Variants in MGAM2 observed in about 807,000 individuals in gnomAD.
MGAM2 encodes the protein probable maltase-glucoamylase 2.
Under a neutral mutation model 96.1 loss-of-function variants are expected in MGAM2, and 98 were observed. That is an observed-to-expected ratio of 1.02 (90% CI 0.87 to 1.21). MGAM2 has a LOEUF of 1.21. MGAM2 is among the 50% of genes most tolerant of loss of function. MGAM2 has a pLI of 0.00. For missense variants in MGAM2, 2,055 were observed against 1,182.4 expected (o/e 1.74, Z -10.82); for synonymous variants, 749 against 414.8 (o/e 1.81, Z -9.79).
intron 46 of MGAM2, among the ~76,000 whole-genome samples, chr7:142,209,311 A>G (rs1797506447): frequency 6.6e-6 from 1 of 152,238 alleles, no homozygotes; most frequent in African/African-American, 2.4e-5. Flanking sequence ...TTACCAAAGC[A>G]AAATCACATG....
At chr7:142,203,100 C>T (rs115339718) in intron 45 of MGAM2, among the ~76,000 whole-genome samples, 1,658 of 152,226 alleles carry the variant, frequency 0.011, 30 homozygotes, top group African/African-American at 0.037. Context: ...AGTGTCTGTT[C>T]ATGTCCTTTG....
At chr7:142,171,123 T>C (rs1302531767) in intron 27 of MGAM2, 149 bp from the exon 28 acceptor site, 1 of 682,844 alleles carries the variant, frequency 1.5e-6, no homozygotes, top group South Asian at 1.5e-5. Flanking sequence ...GGGCCATTGT[T>C]ATGACCTGGG....
At chr7:142,170,578 G>A (rs1307902907) in intron 27 of MGAM2, among the ~76,000 whole-genome samples, 1 of 152,140 alleles carries the variant, frequency 6.6e-6, no homozygotes, top group Non-Finnish European at 1.5e-5. Flanking sequence ...ATAATAAGAG[G>A]CAGGAGAGAG....
Position 142,131,133 on chromosome 7 carries a change from C to A in MGAM2, c.310+62C>A. On this transcript the variant is annotated intron_variant, in intron 4 of 47. Transcript: ENST00000477922. ...CCTTATGGCCCAGATACGTTAACTG[C>A]AAAATAAAATAAAAGCTAAAAGTCA... 1.3e-5 allele frequency: 9 copies of A among 677,630 alleles called. No homozygotes were observed. The South Asian group carries it at 1.4e-4, about 10-fold the overall frequency. The allele number at this position is 677,630 out of a possible 1,614,324, so 42.0% of individuals were successfully genotyped here.
intron 32 of MGAM2, among the ~76,000 whole-genome samples, chr7:142,179,739 T>A (rs1796482980): frequency 6.6e-6 from 1 of 152,198 alleles, no homozygotes; most frequent in Non-Finnish European, 1.5e-5. Flanking sequence ...GTTAACTTTT[T>A]GATGTGCTCC....
At chr7:142,126,843 A>G (rs1794745408) in intron 3 of MGAM2, among the ~76,000 whole-genome samples, 1 of 152,188 alleles carries the variant, frequency 6.6e-6, no homozygotes, top group Admixed American at 6.5e-5. Flanking sequence ...TCCTCACACT[A>G]TAGTAATATC....
intron 45 of MGAM2, among the ~76,000 whole-genome samples, chr7:142,202,389 A>C (rs1282420382): frequency 1.3e-5 from 2 of 152,278 alleles, no homozygotes; most frequent in East Asian, 3.9e-4. Context: ...TATGATGCTG[A>C]GGTTTGGGGT....
intron 7 of MGAM2, among the ~76,000 whole-genome samples, chr7:142,134,436 T>G (rs1045498894): frequency 6.6e-6 from 1 of 152,314 alleles, no homozygotes; most frequent in Middle Eastern, 3.4e-3. Context: ...ACCTAGTATA[T>G]ACTTCTGCCA....
At chr7:142,178,394 C>A (rs1296238085) in intron 32 of MGAM2, among the ~76,000 whole-genome samples, 1 of 152,102 alleles carries the variant, frequency 6.6e-6, no homozygotes, top group Non-Finnish European at 1.5e-5. Flanking sequence ...GGTTTCATTG[C>A]AATTGCTTTT....
At chr7:142,172,901 C>A (rs1796241625) in intron 30 of MGAM2, 137 bp downstream of exon 30, 1 of 560,856 alleles carries the variant, frequency 1.8e-6, no homozygotes, top group Non-Finnish European at 3.2e-6. Context: ...TTGCTGAAAT[C>A]ATATTTTAGT....
At chr7:142,194,455 T>C (rs1290624823) in intron 37 of MGAM2, among the ~76,000 whole-genome samples, 5 of 152,234 alleles carry the variant, frequency 3.3e-5, no homozygotes, top group Non-Finnish European at 4.4e-5. Flanking sequence ...CACTACTCTA[T>C]CTTCCTGCCT....
Position 142,138,640 on chromosome 7 carries a change from C to T in MGAM2, c.1059C>T (p.Ser353=). 3 of 702,846 alleles carry T rather than the reference C, an allele frequency of 4.3e-6. No homozygotes were observed. Among genetic ancestry groups the T allele is most frequent in the Non-Finnish European group, 7.8e-6 (3 of 384,906 alleles). The allele number at this position is 702,846 out of a possible 1,614,324, so 43.5% of individuals were successfully genotyped here. ...TCAATAAATTGAAAGAAGTTGTAAG[C>T]CGAAATCGTTTAGCTGAGATACCAT... ...GGINKLKEVV[S]RNRLAEIPYD... is the part of the protein sequence containing the mutation. The change falls in exon 10 of 48, where the codon AGC becomes AGT. Residue 353 remains serine (S), a synonymous_variant. Transcript: ENST00000477922.
chr7:142,199,436 A>G (rs1029067760), intron 44 of MGAM2, among the ~76,000 whole-genome samples: 1 of 151,766 alleles, frequency 6.6e-6, no homozygotes, highest in Non-Finnish European at 1.5e-5. Context: ...GGGTTTGGGA[A>G]CATAAACCAT....
chr7:142,186,195 C>A, intron 35 of MGAM2, 72 bp downstream of exon 35: 1 of 674,492 alleles, frequency 1.5e-6, no homozygotes, highest in South Asian at 1.6e-5. Flanking sequence ...GGAGGAGAGA[C>A]TAGCAAAGCA....
intron 3 of MGAM2, among the ~76,000 whole-genome samples, chr7:142,128,529 T>C (rs542417338): frequency 6.6e-6 from 1 of 152,172 alleles, no homozygotes; most frequent in Non-Finnish European, 1.5e-5. Flanking sequence ...GAAAAATGGT[T>C]CCATGGGCCA....
Position 142,221,061 on chromosome 7 carries a change from C to T in MGAM2, c.6550C>T (p.Pro2184Ser). Residue 2184 changes from proline to serine, a missense_variant, in exon 48 of 48, where the codon CCT (proline) becomes TCT (serine). Physicochemically the swap from Pro to Ser is moderately conservative, Grantham distance 74. Transcript: ENST00000477922. ...PNNTVPVTAI[P>S]SLANTGVDTT... is the part of the protein sequence containing the mutation. ...TAATACTGTTCCAGTTACAGCTATT[C>T]CTTCTCTTGCAAATACTGGTGTTGA... is the stretch of plus-strand genomic sequence containing the variant. 2.8e-6 allele frequency: 2 copies of T among 702,494 alleles called. No homozygotes were observed. Among genetic ancestry groups the T allele is most frequent in the Non-Finnish European group, 5.2e-6 (2 of 384,770 alleles). The allele number at this position is 702,494 out of a possible 1,614,324, so 43.5% of individuals were successfully genotyped here.
At chr7:142,203,225 A>G (rs897087642) in intron 45 of MGAM2, among the ~76,000 whole-genome samples, 15 of 152,100 alleles carry the variant, frequency 9.9e-5, no homozygotes, top group Non-Finnish European at 1.3e-4. Context: ...CCTACTCTGT[A>G]GGTTGTCTAC....
intron 15 of MGAM2, among the ~76,000 whole-genome samples, chr7:142,150,145 T>G (rs147387491): frequency 0.11 from 16,741 of 151,808 alleles, 944 homozygotes; most frequent in African/African-American, 0.14. Context: ...TTCTCCATGT[T>G]GGTCAGGCTA....
intron 32 of MGAM2, 91 bp downstream of exon 32, chr7:142,175,871 C>A (rs6958102): frequency 6.2e-6 from 4 of 646,548 alleles, no homozygotes; most frequent in East Asian, 2.8e-5. Flanking sequence ...TGAAGGGTAC[C>A]AGAAATGTTC....
Sources: allele counts gnomAD v4.1 joint callset (sites outside exome capture counted in the v4.1 genomes callset), GRCh38; gene constraint gnomAD v4.1.1; transcripts MANE v1.5; gene names NCBI Gene and HGNC (gene_info 2026-07-23, HGNC 2026-07-21).